ZNF827: variants seen among roughly 807,000 people sequenced by gnomAD.
ZNF827 encodes the protein zinc finger protein 827.
A neutral mutation model predicts 102.4 loss-of-function variants in ZNF827; 13 were observed. The observed-to-expected ratio is 0.13, with a 90% CI of 0.08 to 0.20. The LOEUF is 0.20. Among genes scored for constraint, ZNF827 ranks in the 10% least tolerant of loss-of-function variants. The probability of loss-of-function intolerance (pLI) is 1.00; values close to 1 mark genes in which losing one functional copy is unlikely to be tolerated. For synonymous variants in ZNF827, 523 were observed against 536.2 expected (o/e 0.98, Z 0.34); for missense variants, 1,103 against 1,344.4 (o/e 0.82, Z 2.81).
At chr4:145,914,515 A>G (rs1335131460) in intron 1 of ZNF827, among the ~76,000 whole-genome samples, 1 of 152,230 alleles carries the variant, frequency 6.6e-6, no homozygotes, top group East Asian at 1.9e-4. Context: ...TACTCCTACT[A>G]GGCTTTGTGC....
intron 4 of ZNF827, among the ~76,000 whole-genome samples, chr4:145,875,284 C>T (rs1229865324): frequency 6.6e-6 from 1 of 152,134 alleles, no homozygotes; most frequent in Non-Finnish European, 1.5e-5. Context: ...CTTCATTTTA[C>T]AGGTGAGGAA....
intron 4 of ZNF827, among the ~76,000 whole-genome samples, chr4:145,875,691 A>G (rs567371001): frequency 6.6e-6 from 1 of 152,332 alleles, no homozygotes; most frequent in South Asian, 2.1e-4. Context: ...ACTCTCCTTC[A>G]GTTCAACGTA....
At chr4:145,872,789 C>T (rs1167628926) in intron 4 of ZNF827, among the ~76,000 whole-genome samples, 4 of 151,262 alleles carry the variant, frequency 2.6e-5, no homozygotes, top group East Asian at 2.0e-4. Context: ...GTAGGAGAAT[C>T]GCTTGAACCC....
intron 4 of ZNF827, among the ~76,000 whole-genome samples, chr4:145,883,094 A>T (rs1451204805): frequency 6.6e-6 from 1 of 151,828 alleles, no homozygotes; most frequent in African/African-American, 2.4e-5. Context: ...TAGAAAATGT[A>T]TTCCTTTCCT....
At chr4:145,805,604 TG>T (rs1009323833) in intron 8 of ZNF827, among the ~76,000 whole-genome samples, 3 of 152,228 alleles carry the variant, frequency 2.0e-5, no homozygotes, top group Non-Finnish European at 2.9e-5. Context: ...GGACATTATT[TG>T]GGCTTTAAAG....
intron 8 of ZNF827, among the ~76,000 whole-genome samples, chr4:145,818,478 C>T (rs995228572): frequency 6.6e-6 from 1 of 152,222 alleles, no homozygotes; most frequent in Non-Finnish European, 1.5e-5. Context: ...AAACTGCTAG[C>T]TTCTTTCTCT....
intron 7 of ZNF827, among the ~76,000 whole-genome samples, chr4:145,843,496 CT>C (rs1745625358): frequency 1.3e-5 from 2 of 152,326 alleles, no homozygotes; most frequent in South Asian, 4.1e-4. Flanking sequence ...GCAGTTTAGG[CT>C]TGAGGCACAT....
intron 2 of ZNF827, among the ~76,000 whole-genome samples, chr4:145,896,220 T>A (rs1284994618): frequency 6.6e-6 from 1 of 152,168 alleles, no homozygotes; most frequent in African/African-American, 2.4e-5. Flanking sequence ...AAACTCACCA[T>A]CAGAGCAGAT....
chr4:145,846,077 G>A, intron 6 of ZNF827, 64 bp from the exon 7 acceptor site: 1 of 1,529,382 alleles, frequency 6.5e-7, no homozygotes, highest in South Asian at 1.1e-5. Flanking sequence ...GCATCTTTTA[G>A]CCTTAAGCAG....
chr4:145,797,020 C>T (rs533466621), intron 8 of ZNF827, among the ~76,000 whole-genome samples: 2 of 152,260 alleles, frequency 1.3e-5, no homozygotes, highest in African/African-American at 4.8e-5. Context: ...TATGTATGTA[C>T]TGGATGCGTG....
At chr4:145,853,497 T>C (rs1019769928) in intron 5 of ZNF827, among the ~76,000 whole-genome samples, 1 of 151,640 alleles carries the variant, frequency 6.6e-6, no homozygotes, top group Non-Finnish European at 1.5e-5. Flanking sequence ...GGAGGATCTA[T>C]TGAGCCAGGG....
Position 145,761,175 on chromosome 4 carries a change from C to T in ZNF827, c.*441G>A, listed in dbSNP as rs572972698. On this transcript the variant is annotated 3_prime_UTR_variant, in exon 15 of 15. Transcript: ENST00000508784. The surrounding 1 kb of genome is among the most constrained non-coding windows in gnomAD (Gnocchi z 6.8). ...GGGCTGGACACAGGCCCTTCTTGTCCTCCTCGGGGCAGTCCCCACTCTGGT... is the reference window on the plus strand; with the variant it reads ...GGGCTGGACACAGGCCCTTCTTGTCTTCCTCGGGGCAGTCCCCACTCTGGT... The T allele has an allele frequency of 1.5e-4, 197 of 1,289,850 alleles. No homozygotes were observed. In the African/African-American group the frequency reaches 2.7e-3, roughly 18 times the overall value. 79.9% of individuals were successfully genotyped at this position (1,289,850 alleles called of 1,614,324 possible).
intron 7 of ZNF827, among the ~76,000 whole-genome samples, chr4:145,844,826 C>T (rs1745778518): frequency 6.6e-6 from 1 of 151,772 alleles, no homozygotes; most frequent in African/African-American, 2.4e-5. Context: ...TTTTTAAAAC[C>T]TCAGGTTGAA....
intron 8 of ZNF827, among the ~76,000 whole-genome samples, chr4:145,785,348 C>T (rs1051373915): frequency 6.6e-6 from 1 of 152,154 alleles, no homozygotes; most frequent in African/African-American, 2.4e-5. Flanking sequence ...TGAAACCCAT[C>T]CAGCATGCCT....
At chr4:145,809,038 C>T (rs1238533195) in intron 8 of ZNF827, among the ~76,000 whole-genome samples, 1 of 152,182 alleles carries the variant, frequency 6.6e-6, no homozygotes, top group East Asian at 1.9e-4. Flanking sequence ...TGGCCTCAAA[C>T]AATCCTCCTG....
At chr4:145,830,566 A>G (rs1253919597) in intron 7 of ZNF827, 1 of 152,176 alleles carries the variant, frequency 6.6e-6, no homozygotes, top group Non-Finnish European at 1.5e-5. Context: ...CTTCACTTTT[A>G]GTGATTTTCT....
intron 9 of ZNF827, among the ~76,000 whole-genome samples, chr4:145,776,698 C>T (rs562831488): frequency 6.6e-6 from 1 of 152,192 alleles, no homozygotes; most frequent in East Asian, 1.9e-4. Flanking sequence ...TGCAGGACTA[C>T]AGCGTAAAAG....
At chr4:145,822,085 C>T (rs987945476) in intron 8 of ZNF827, among the ~76,000 whole-genome samples, 3 of 152,170 alleles carry the variant, frequency 2.0e-5, no homozygotes, top group Non-Finnish European at 4.4e-5. Context: ...GGGAAGTAAA[C>T]AGTAGTTCCA....
chr4:145,897,024 T>C (rs890175640), intron 2 of ZNF827, among the ~76,000 whole-genome samples: 6 of 152,096 alleles, frequency 3.9e-5, no homozygotes, highest in Admixed American at 3.9e-4. Flanking sequence ...AAGCAAGAAA[T>C]TCTAAAACAG....
Sources: allele counts gnomAD v4.1 joint callset (sites outside exome capture counted in the v4.1 genomes callset), GRCh38; gene constraint gnomAD v4.1.1; non-coding constraint Gnocchi (gnomAD v3.1); transcripts MANE v1.5; gene names NCBI Gene and HGNC (gene_info 2026-07-23, HGNC 2026-07-21).